Variants in VTI1A observed in about 807,000 individuals in gnomAD.
VTI1A encodes vesicle transport through interaction with t-SNAREs homolog 1A.
A neutral mutation model predicts 34.9 loss-of-function variants in VTI1A; 22 were observed. That is an observed-to-expected ratio of 0.63 (90% CI 0.45 to 0.90). The LOEUF (loss-of-function observed/expected upper bound fraction) is 0.90, where lower values mean the gene tolerates loss of function less well. Among genes scored for constraint, VTI1A ranks in the 40% least tolerant of loss-of-function variants. VTI1A has a pLI of 0.00. For missense variants in VTI1A, 268 were observed against 275.6 expected, an observed-to-expected ratio of 0.97 and a Z score of 0.20; for synonymous variants, 87 against 97.3, an observed-to-expected ratio of 0.89 and a Z score of 0.62.
chr10:112,589,012 CCTT>C (rs1844271695), intron 5 of VTI1A, among the ~76,000 whole-genome samples: 1 of 130,168 alleles, frequency 7.7e-6, no homozygotes, highest in Admixed American at 9.3e-5. Context: ...CACTTTGACT[CCTT>C]GTCTTTTTTT....
chr10:112,812,017 T>A (rs1037812183), intron 7 of VTI1A, among the ~76,000 whole-genome samples: 1 of 152,254 alleles, frequency 6.6e-6, no homozygotes, highest in African/African-American at 2.4e-5. Context: ...TTAATTCATC[T>A]TGTATCAACA....
chr10:112,693,578 A>C (rs1179254592), intron 7 of VTI1A, among the ~76,000 whole-genome samples: 3 of 152,168 alleles, frequency 2.0e-5, no homozygotes, highest in Admixed American at 1.3e-4. Flanking sequence ...ATAAAAATAA[A>C]AATAGCTTAT....
intron 7 of VTI1A, among the ~76,000 whole-genome samples, chr10:112,812,269 G>T (rs946897173): frequency 1.3e-5 from 2 of 152,196 alleles, no homozygotes; most frequent in Non-Finnish European, 2.9e-5. Flanking sequence ...TTTCAAAAGG[G>T]AGATTAAGAC....
intron 5 of VTI1A, among the ~76,000 whole-genome samples, chr10:112,596,762 C>G (rs1031000418): frequency 1.3e-5 from 2 of 152,012 alleles, no homozygotes; most frequent in Non-Finnish European, 2.9e-5. Context: ...CATTGCTTAA[C>G]TGTAATTCTT....
intron 1 of VTI1A, among the ~76,000 whole-genome samples, chr10:112,454,512 G>A (rs570599834): frequency 4.4e-4 from 67 of 152,260 alleles, no homozygotes; most frequent in African/African-American, 1.5e-3. Flanking sequence ...TGAGATGGGA[G>A]GACACCTTGA....
At chr10:112,529,681 TAAAC>T (rs1455220740) in intron 4 of VTI1A, among the ~76,000 whole-genome samples, 1 of 152,028 alleles carries the variant, frequency 6.6e-6, no homozygotes, top group Non-Finnish European at 1.5e-5. Context: ...AACTTGGAGA[TAAAC>T]AAAATGAGAT....
chr10:112,520,643 G>GTATA (rs1419322104), intron 3 of VTI1A, among the ~76,000 whole-genome samples: 1 of 110,074 alleles, frequency 9.1e-6, no homozygotes, highest in African/African-American at 3.1e-5. Context: ...GTGTGTGTGT[G>GTATA]TGTGTATATA....
intron 7 of VTI1A, among the ~76,000 whole-genome samples, chr10:112,812,780 G>A (rs1034963617): frequency 2.6e-5 from 4 of 151,642 alleles, no homozygotes; most frequent in African/African-American, 7.3e-5. Context: ...CTGACACCCC[G>A]CCCCCACCCA....
At chr10:112,786,525 G>A (rs1852293979) in intron 7 of VTI1A, among the ~76,000 whole-genome samples, 1 of 152,134 alleles carries the variant, frequency 6.6e-6, no homozygotes, top group Admixed American at 6.5e-5. Context: ...TCCCCAATCA[G>A]AAAGAAAGCC....
intron 7 of VTI1A, among the ~76,000 whole-genome samples, chr10:112,753,542 G>A (rs1393820161): frequency 6.6e-6 from 1 of 152,124 alleles, no homozygotes; most frequent in African/African-American, 2.4e-5. Context: ...TGGATAGCAT[G>A]GCGTGCGCTA....
chr10:112,690,192 G>A (rs1848566017), intron 7 of VTI1A, among the ~76,000 whole-genome samples: 1 of 152,138 alleles, frequency 6.6e-6, no homozygotes, highest in African/African-American at 2.4e-5. Context: ...CTTCCAGTTT[G>A]GGGCTATTTT....
intron 4 of VTI1A, among the ~76,000 whole-genome samples, chr10:112,529,257 C>T (rs769344731): frequency 2.6e-5 from 4 of 152,166 alleles, no homozygotes; most frequent in East Asian, 3.9e-4. Context: ...CCACACTGAA[C>T]GTTTTGGATA....
At chr10:112,590,852 G>C (rs1844361165) in intron 5 of VTI1A, among the ~76,000 whole-genome samples, 1 of 152,144 alleles carries the variant, frequency 6.6e-6, no homozygotes, top group African/African-American at 2.4e-5. Flanking sequence ...TGTAATCCCA[G>C]CACTTTGGAA....
At chr10:112,698,235 A>G (rs1336166474) in intron 7 of VTI1A, among the ~76,000 whole-genome samples, 1 of 152,180 alleles carries the variant, frequency 6.6e-6, no homozygotes, top group Non-Finnish European at 1.5e-5. Context: ...GTGGGAAAGG[A>G]ACCCTGAGTC....
the VTI1A span, among the ~76,000 whole-genome samples, chr10:112,835,478 C>T: frequency 6.6e-6 from 1 of 152,168 alleles, no homozygotes; most frequent in Non-Finnish European, 1.5e-5. Flanking sequence ...TGTACAAGCC[C>T]CTTGGAGGGC....
chr10:112,565,882 G>A lies in VTI1A; in HGVS notation c.427+27552G>A, dbSNP rs1408835981. ...TACTTTCAAAACCTCATTTTTAAAAGTTTTTATTTACTATTTCCCATAGAT... is the reference window on the plus strand; with the variant it reads ...TACTTTCAAAACCTCATTTTTAAAAATTTTTATTTACTATTTCCCATAGAT... On this transcript the variant is annotated intron_variant, in intron 5 of 7. Transcript: ENST00000393077. Among the ~76,000 whole-genome samples the A allele has an allele frequency of 2.6e-5, 4 of 151,964 alleles. No individual in the cohort carries two copies. In the East Asian group the frequency reaches 7.7e-4, roughly 29 times the overall value.
At chr10:112,801,380 C>G (rs1281738382) in intron 7 of VTI1A, among the ~76,000 whole-genome samples, 1 of 152,076 alleles carries the variant, frequency 6.6e-6, no homozygotes, top group Non-Finnish European at 1.5e-5. Flanking sequence ...TGCAATAAAC[C>G]AGAAAAAGAT....
chr10:112,719,026 C>T (rs1489720438), intron 7 of VTI1A, among the ~76,000 whole-genome samples: 3 of 152,138 alleles, frequency 2.0e-5, no homozygotes, highest in African/African-American at 7.2e-5. Flanking sequence ...CTTTTTTTAG[C>T]TTTTCAACAG....
chr10:112,669,109 T>A (rs760485811), intron 7 of VTI1A, 111 bp downstream of exon 7: 30 of 1,248,720 alleles, frequency 2.4e-5, no homozygotes, highest in Non-Finnish European at 3.0e-5. Context: ...CTGCTCTTAG[T>A]ACCCTGTGCA....
Sources: gnomAD v4.1 joint callset for allele counts (sites outside exome capture counted in the v4.1 genomes callset) on GRCh38, gnomAD v4.1.1 for gene constraint, MANE v1.5 for transcripts, NCBI Gene and HGNC (gene_info 2026-07-23, HGNC 2026-07-21) for gene names.